Variants in ITPK1 observed in about 807,000 individuals in gnomAD.
ITPK1 encodes inositol-tetrakisphosphate 1-kinase, also known as inositol 1,3,4-trisphosphate 5/6-kinase.
Under a neutral mutation model 45.3 loss-of-function variants are expected in ITPK1, and 21 were observed. The ratio of observed to expected loss-of-function variants is 0.46; its 90% CI spans 0.33 to 0.67. ITPK1 has a LOEUF of 0.67. Among genes scored for constraint, ITPK1 ranks in the 30% least tolerant of loss-of-function variants. ITPK1 has a pLI of 0.02. For missense variants in ITPK1, 474 were observed against 573.5 expected (o/e 0.83, Z 1.77); for synonymous variants, 258 against 253.6 (o/e 1.02, Z -0.16).
intron 3 of ITPK1, among the ~76,000 whole-genome samples, chr14:93,050,306 T>A (rs556937233): frequency 1.3e-5 from 2 of 152,216 alleles, no homozygotes; most frequent in East Asian, 3.9e-4. Context: ...CCAATTCCCG[T>A]GTGTGGGGTG....
chr14:92,962,670 GCA>G, intron 6 of ITPK1, 79 bp downstream of exon 6: 1 of 1,054,434 alleles, frequency 9.5e-7, no homozygotes, highest in South Asian at 1.3e-5. Flanking sequence ...AATCCAGAGG[GCA>G]CTATAAACCC....
At chr14:92,946,015 C>T (rs888928500) in intron 10 of ITPK1, among the ~76,000 whole-genome samples, 2 of 152,166 alleles carry the variant, frequency 1.3e-5, no homozygotes, top group African/African-American at 2.4e-5. Flanking sequence ...CCTTCCTGCT[C>T]CTTAAATCGA....
At position 93,017,995 on chromosome 14, in the gene ITPK1, T is replaced by TCTA. The variant is rs561833044; in HGVS notation, c.121-1197_121-1195dup. Reference sequence around the variant, plus strand: ...GGTGAAGTGGGGACACAAACTCAGATCTAAGGCTGCGCTTCTCACTCCATT... The same window carrying TCTA: ...GGTGAAGTGGGGACACAAACTCAGATCTACTAAGGCTGCGCTTCTCACTCCATT... On this transcript the variant is annotated intron_variant, in intron 3 of 10. Coordinates refer to ENST00000267615, the MANE Select transcript of ITPK1 (RefSeq NM_014216.6). Among the ~76,000 whole-genome samples, 345 of 152,202 alleles carry TCTA rather than the reference T, an allele frequency of 2.3e-3. 2 individuals are homozygous for TCTA. The highest frequency in any genetic ancestry group is 7.6e-3 in the African/African-American group (317 of 41,510).
At chr14:93,082,773 C>T (rs536034476) in intron 2 of ITPK1, among the ~76,000 whole-genome samples, 1 of 152,328 alleles carries the variant, frequency 6.6e-6, no homozygotes, top group South Asian at 2.1e-4. Flanking sequence ...GGACTGTCTG[C>T]AGTACAAATG....
chr14:93,007,671 AAGAG>A (rs1314399311), intron 4 of ITPK1, among the ~76,000 whole-genome samples: 2 of 152,072 alleles, frequency 1.3e-5, no homozygotes, highest in African/African-American at 2.4e-5. Flanking sequence ...GGTGCACAAT[AAGAG>A]AGACAGATCC....
chr14:93,023,890 C>T (rs1028953456), intron 3 of ITPK1, among the ~76,000 whole-genome samples: 3 of 152,256 alleles, frequency 2.0e-5, no homozygotes, highest in South Asian at 4.2e-4. Flanking sequence ...CCCTCGATCC[C>T]GTGCATCTTG....
chr14:93,110,557 C>T (rs1892709674), intron 2 of ITPK1, among the ~76,000 whole-genome samples: 1 of 152,190 alleles, frequency 6.6e-6, no homozygotes, highest in Non-Finnish European at 1.5e-5. Flanking sequence ...GCATGCTACA[C>T]TCTCACTGGC....
chr14:92,969,427 C>T (rs753339355), intron 5 of ITPK1, among the ~76,000 whole-genome samples: 10 of 152,286 alleles, frequency 6.6e-5, no homozygotes, highest in Middle Eastern at 3.4e-3. Context: ...AGGGAACAGC[C>T]GGTGCAAAGG....
intron 3 of ITPK1, among the ~76,000 whole-genome samples, chr14:93,054,787 C>G (rs182748223): frequency 1.3e-5 from 2 of 152,354 alleles, no homozygotes; most frequent in East Asian, 3.9e-4. Context: ...AAACAGCACT[C>G]TCTCTGCCTC....
At chr14:93,004,834 C>CA (rs3837637) in intron 4 of ITPK1, among the ~76,000 whole-genome samples, 31,217 of 151,084 alleles carry the variant, frequency 0.21, 3,910 homozygotes, top group East Asian at 0.31. Context: ...TTGGTGATGT[C>CA]AACCACAAAG....
chr14:93,056,414 G>A (rs1890216266), intron 3 of ITPK1, among the ~76,000 whole-genome samples: 1 of 152,206 alleles, frequency 6.6e-6, no homozygotes, highest in Non-Finnish European at 1.5e-5. Context: ...GCAGGTCTGG[G>A]GGCAAGGGAG....
chr14:93,115,174 G>C lies in ITPK1; in HGVS notation c.-11C>G, dbSNP rs776982529. The C allele has an allele frequency of 1.9e-6, 3 of 1,589,504 alleles. No individual in the cohort carries two copies. The highest frequency in any genetic ancestry group is 1.7e-6 in the Non-Finnish European group (2 of 1,163,514). On this transcript the variant is annotated 5_prime_UTR_variant, in exon 2 of 11. Transcript: ENST00000267615. ...CAGAAAGGTCTGCATCTTCCTCCTC[G>C]GGCGGGGAGCCTGGGTCCGGAGGAA...
rs1163124234 is a variant in ITPK1 at position 93,063,300 on chromosome 14, C to T, written c.120+13295G>A. On this transcript the variant is annotated intron_variant, in intron 3 of 10. Transcript: ENST00000267615. The surrounding 1 kb of genome is among the most constrained non-coding windows in gnomAD (Gnocchi z 4.3). The stretch of plus-strand genomic sequence containing the variant: ...ACCCACACCCTCCTGCCCAGGGACC[C>T]CTGGTCCCCCACCCACCTGAGATGG... 6.6e-6 allele frequency among the ~76,000 whole-genome samples: 1 copy of T among 152,234 alleles called. No individual in the cohort carries two copies. The highest frequency in any genetic ancestry group is 2.4e-5 in the African/African-American group (1 of 41,462).
intron 2 of ITPK1, among the ~76,000 whole-genome samples, chr14:93,103,166 C>T (rs1179177145): frequency 2.1e-5 from 3 of 146,318 alleles, no homozygotes; most frequent in Admixed American, 2.0e-4. Flanking sequence ...TGGTGGCTTA[C>T]GCCTGTAATC....
intron 3 of ITPK1, chr14:93,067,327 C>T (rs1165041457): frequency 6.6e-6 from 1 of 152,178 alleles, no homozygotes; most frequent in African/African-American, 2.4e-5. Flanking sequence ...GTTCTGGAAG[C>T]CTGCCTGCAA....
At position 92,946,358 on chromosome 14, in the gene ITPK1, C is replaced by T. The variant is rs757209932; in HGVS notation, c.874G>A (p.Ala292Thr). Residue 292 changes from alanine (A) to threonine (T), a missense_variant, in exon 10 of 11, where the codon GCC (alanine) becomes ACC (threonine). Around this residue, in one of 2 missense-constraint regions of ITPK1, gnomAD observed 367 missense variants for 480.6 expected, o/e 0.76. Coordinates refer to ENST00000267615, the MANE Select transcript of ITPK1 (RefSeq NM_014216.6). ...IIINNQTGQHAVIDINAFPGY... is the reference protein window; with the variant it reads ...IIINNQTGQHTVIDINAFPGY... The stretch of plus-strand genomic sequence containing the variant: ...GGGAAGGCATTGATGTCAATGACGG[C>T]GTGCTGCCCTGTCTGGTTGTTGATG... 6 of 1,613,390 alleles carry T rather than the reference C, an allele frequency of 3.7e-6. No homozygotes were observed. The East Asian group carries it at 1.1e-4, about 30-fold the overall frequency.
intron 4 of ITPK1, among the ~76,000 whole-genome samples, chr14:93,015,617 C>T (rs745621550): frequency 2.6e-5 from 4 of 152,356 alleles, no homozygotes; most frequent in East Asian, 1.9e-4. Context: ...GCAGGGCAGA[C>T]GCCCTGGAGG....
chr14:93,093,691 C>G (rs1891954696), intron 2 of ITPK1, among the ~76,000 whole-genome samples: 1 of 152,208 alleles, frequency 6.6e-6, no homozygotes, highest in Admixed American at 6.5e-5. Flanking sequence ...CAGACAACAT[C>G]CTGAGTAGTC....
Position 92,938,965 on chromosome 14 carries a change from C to G in ITPK1, c.*2596G>C. 1 of 190,376 alleles carries G rather than the reference C, an allele frequency of 5.3e-6. No homozygotes were observed. The highest frequency in any genetic ancestry group is 1.2e-4 in the South Asian group (1 of 8,494). The allele number at this position is 190,376 out of a possible 1,614,324, so 11.8% of individuals were successfully genotyped here. Reference sequence around the variant, plus strand: ...GGTCTGGCCCCTTGCTCCTGGAGCCCTTCAGCACATCCAGGGACCACCATC... The same window carrying G: ...GGTCTGGCCCCTTGCTCCTGGAGCCGTTCAGCACATCCAGGGACCACCATC... On this transcript the variant is annotated 3_prime_UTR_variant, in exon 11 of 11. Coordinates refer to ENST00000267615, the MANE Select transcript of ITPK1 (RefSeq NM_014216.6).
Sources: gnomAD v4.1 joint callset for allele counts (sites outside exome capture counted in the v4.1 genomes callset) on GRCh38, gnomAD v4.1.1 for gene constraint, gnomAD v4.1.1 regional missense constraint, Gnocchi (gnomAD v3.1) non-coding constraint, MANE v1.5 for transcripts, NCBI Gene and HGNC (gene_info 2026-07-23, HGNC 2026-07-21) for gene names.